CD28: variants seen among roughly 807,000 people sequenced by gnomAD.
The protein encoded by CD28 is T-cell-specific surface glycoprotein CD28.
A neutral mutation model predicts 21.4 loss-of-function variants in CD28; 8 were observed. That is an observed-to-expected ratio of 0.37 (90% CI 0.22 to 0.68). The LOEUF (loss-of-function observed/expected upper bound fraction) is 0.68. Among genes scored for constraint, CD28 ranks in the 30% least tolerant of loss-of-function variants. The pLI, the probability that CD28 is intolerant of heterozygous loss-of-function variation, is 0.55. For synonymous variants in CD28, 106 were observed against 104.0 expected (o/e 1.02, Z -0.12); for missense variants, 239 against 272.2 (o/e 0.88, Z 0.86).
rs575589651 is a variant in CD28 at position 203,713,940 on chromosome 2, TA to T, written c.52+7193del. Among the ~76,000 whole-genome samples the T allele has an allele frequency of 8.0e-5, 12 of 149,574 alleles. No homozygotes were observed. The South Asian group carries it at 2.6e-3, about 32-fold the overall frequency. ...AGGGCTTGAGGGTAGAGAAGGGTAT[TA>T]TTAGGAAAGAAAGGAGGAGGAGGGA... On this transcript the variant is annotated intron_variant, in intron 1 of 3. Coordinates refer to ENST00000324106, the MANE Select transcript of CD28 (RefSeq NM_006139.4).
chr2:203,728,881 A>G (rs1693818207), intron 2 of CD28, among the ~76,000 whole-genome samples: 1 of 152,210 alleles, frequency 6.6e-6, no homozygotes, highest in Admixed American at 6.5e-5. Flanking sequence ...CTATCTGTAT[A>G]TTATAAATCT....
intron 1 of CD28, among the ~76,000 whole-genome samples, chr2:203,707,954 G>T (rs1181390): frequency 0.23 from 34,294 of 152,066 alleles, 4,174 homozygotes; most frequent in East Asian, 0.45. Context: ...CTCATTCAAC[G>T]TGTTCTCAGA....
At chr2:203,718,252 G>T (rs1385072179) in intron 1 of CD28, among the ~76,000 whole-genome samples, 1 of 152,190 alleles carries the variant, frequency 6.6e-6, no homozygotes, top group Non-Finnish European at 1.5e-5. Context: ...CCACCGGGTT[G>T]TCTTGTGGGG....
chr2:203,712,915 A>G (rs907885468), intron 1 of CD28, among the ~76,000 whole-genome samples: 4 of 152,202 alleles, frequency 2.6e-5, no homozygotes, highest in Non-Finnish European at 5.9e-5. Flanking sequence ...TGAGGTAGTT[A>G]CTATGATTGC....
chr2:203,711,924 C>T (rs1293747860), intron 1 of CD28, among the ~76,000 whole-genome samples: 1 of 152,098 alleles, frequency 6.6e-6, no homozygotes, highest in African/African-American at 2.4e-5. Flanking sequence ...GGATATGGTG[C>T]CTCACACCTG....
At chr2:203,707,179 T>C (rs1209640920) in intron 1 of CD28, among the ~76,000 whole-genome samples, 1 of 151,876 alleles carries the variant, frequency 6.6e-6, no homozygotes, top group Non-Finnish European at 1.5e-5. Flanking sequence ...TCTTTCTTTC[T>C]TTCTTTTTTT....
rs139231972 is a variant in CD28, at chr2:203,726,727, G to A, written c.147G>A (p.Arg49=). The A allele has an allele frequency of 3.7e-6, 6 of 1,613,988 alleles. No homozygotes were observed. Among genetic ancestry groups the A allele is most frequent in the Non-Finnish European group, 5.1e-6 (6 of 1,180,020 alleles). The part of the protein sequence containing the change: ...SCKYSYNLFS[R]EFRASLHKGL... ...AGTATTCCTACAATCTCTTCTCAAGGGAGTTCCGGGCATCCCTTCACAAAG... is the reference window on the plus strand; with the variant it reads ...AGTATTCCTACAATCTCTTCTCAAGAGAGTTCCGGGCATCCCTTCACAAAG... The change falls in exon 2 of 4, where the codon AGG becomes AGA. Residue 49 remains arginine (R), a synonymous_variant. Transcript: ENST00000324106.
At position 203,710,290 on chromosome 2, in the gene CD28, C is replaced by T. The variant is rs114578657; in HGVS notation, c.52+3542C>T. On this transcript the variant is annotated intron_variant, in intron 1 of 3. Coordinates refer to ENST00000324106, the MANE Select transcript of CD28 (RefSeq NM_006139.4). ...GCATTGCTTAAGGATTTGTTTTACT[C>T]TACTACCGTGCCCTAGTTAACACAT... Among the ~76,000 whole-genome samples the T allele has an allele frequency of 8.7e-3, 1,328 of 152,308 alleles. 15 individuals carry two copies. The highest frequency in any genetic ancestry group is 0.029 in the African/African-American group (1,222 of 41,560).
chr2:203,714,207 A>G (rs1319458169), intron 1 of CD28, among the ~76,000 whole-genome samples: 2 of 152,204 alleles, frequency 1.3e-5, no homozygotes, highest in South Asian at 2.1e-4. Context: ...TGTTAAACCT[A>G]TATCAACAAG....
At chr2:203,723,022 T>A (rs917163136) in intron 1 of CD28, among the ~76,000 whole-genome samples, 1 of 152,206 alleles carries the variant, frequency 6.6e-6, no homozygotes, top group Non-Finnish European at 1.5e-5. Flanking sequence ...GCCTGGGTCC[T>A]ATACCTAGAG....
At chr2:203,712,053 G>A (rs113875572) in intron 1 of CD28, among the ~76,000 whole-genome samples, 22,724 of 152,002 alleles carry the variant, frequency 0.15, 1,911 homozygotes, top group Non-Finnish European at 0.19. Context: ...TTAGCCAGGC[G>A]TGGTGGTACA....
At chr2:203,727,215 A>C (rs940691264) in intron 2 of CD28, among the ~76,000 whole-genome samples, 1 of 152,166 alleles carries the variant, frequency 6.6e-6, no homozygotes, top group African/African-American at 2.4e-5. Context: ...CGGGAGAGTA[A>C]GTGATGAAGT....
chr2:203,720,228 T>C (rs2106115121), intron 1 of CD28, among the ~76,000 whole-genome samples: 1 of 152,200 alleles, frequency 6.6e-6, no homozygotes, highest in Non-Finnish European at 1.5e-5. Context: ...GGTTTGAGGT[T>C]AGTGCTTCCT....
chr2:203,720,997 T>G (rs1404457808), intron 1 of CD28, among the ~76,000 whole-genome samples: 1 of 152,208 alleles, frequency 6.6e-6, no homozygotes, highest in East Asian at 1.9e-4. Context: ...ATTATTGACA[T>G]GAACCAAGGT....
In CD28 at chr2:203,736,322, T is replaced by A. The variant is rs1694034849; in HGVS notation, c.*1410T>A. On this transcript the variant is annotated 3_prime_UTR_variant, in exon 4 of 4. Coordinates refer to ENST00000324106, the MANE Select transcript of CD28 (RefSeq NM_006139.4). ...ATGGAGTAATGAAATTCTTGCCATG[T>A]GCTGAGGAGATAGCCAGCATTAGGT... 1 of 152,682 alleles carries A rather than the reference T, an allele frequency of 6.5e-6. No individual in the cohort carries two copies. The allele number at this position is 152,682 out of a possible 1,614,324, so 9.5% of individuals were successfully genotyped here.
At chr2:203,732,781 C>T (rs1365319531) in intron 3 of CD28, among the ~76,000 whole-genome samples, 1 of 152,176 alleles carries the variant, frequency 6.6e-6, no homozygotes, top group Non-Finnish European at 1.5e-5. Context: ...GGTGTTTGTT[C>T]CCAGCCATGC....
At chr2:203,709,713 G>T (rs1026096399) in intron 1 of CD28, among the ~76,000 whole-genome samples, 3 of 152,146 alleles carry the variant, frequency 2.0e-5, no homozygotes, top group African/African-American at 7.2e-5. Context: ...ATAGAAGGAT[G>T]GTATGCACAA....
intron 1 of CD28, among the ~76,000 whole-genome samples, chr2:203,708,059 A>C (rs1693209297): frequency 6.6e-6 from 1 of 152,198 alleles, no homozygotes; most frequent in Non-Finnish European, 1.5e-5. Flanking sequence ...TGAAAGATAC[A>C]TTGAAAAGCC....
intron 3 of CD28, among the ~76,000 whole-genome samples, chr2:203,731,784 C>T (rs1233997944): frequency 6.6e-6 from 1 of 152,130 alleles, no homozygotes; most frequent in Non-Finnish European, 1.5e-5. Flanking sequence ...ACTACTAATT[C>T]CTAGTGAGAT....
Sources: gnomAD v4.1 joint callset for allele counts (sites outside exome capture counted in the v4.1 genomes callset) on GRCh38, gnomAD v4.1.1 for gene constraint, MANE v1.5 for transcripts, NCBI Gene and HGNC (gene_info 2026-07-23, HGNC 2026-07-21) for gene names.